The following SVOP variants were observed in gnomAD, a reference collection of about 807,000 sequenced individuals.
SVOP encodes synaptic vesicle 2-related protein.
In SVOP, 17 loss-of-function variants were observed where a neutral mutation model predicts 69.1. The observed-to-expected ratio is 0.25, with a 90% CI of 0.17 to 0.37. The LOEUF (loss-of-function observed/expected upper bound fraction) is 0.37. Among genes scored for constraint, SVOP ranks in the 10% least tolerant of loss-of-function variants. The probability of loss-of-function intolerance (pLI) is 1.00; values close to 1 mark genes in which losing one functional copy is unlikely to be tolerated. For synonymous variants in SVOP, 238 were observed against 238.6 expected (o/e 1.00, Z 0.02); for missense variants, 435 against 597.5 (o/e 0.73, Z 2.84).
chr12:108,977,346 C>T lies in SVOP; in HGVS notation c.381+52G>A, dbSNP rs1012399287. On this transcript the variant is annotated intron_variant, in intron 4 of 15. Transcript: ENST00000610966. ...GAGAAGGGAGATATCCCACAGGACA[C>T]CCCAGGGGAGCAGAACTGTATGCAA... 1.0e-5 allele frequency: 16 copies of T among 1,528,176 alleles called. No individual in the cohort carries two copies. The Admixed American group carries it at 1.4e-4, about 13-fold the overall frequency. The allele number at this position is 1,528,176 out of a possible 1,614,324, so 94.7% of individuals were successfully genotyped here.
intron 1 of SVOP, among the ~76,000 whole-genome samples, chr12:109,001,572 C>A (rs1405270002): frequency 1.4e-5 from 2 of 142,260 alleles, no homozygotes; most frequent in African/African-American, 5.2e-5. Flanking sequence ...TACAAGGCTA[C>A]AGTAACCAAA....
intron 1 of SVOP, among the ~76,000 whole-genome samples, chr12:109,006,328 C>T (rs2040307462): frequency 6.6e-6 from 1 of 152,182 alleles, no homozygotes; most frequent in Non-Finnish European, 1.5e-5. Context: ...GCTGGGATTA[C>T]AGGGTGACCC....
intron 10 of SVOP, 60 bp from the exon 11 acceptor site, chr12:108,934,331 C>T (rs2039843192): frequency 1.4e-6 from 2 of 1,463,720 alleles, no homozygotes; most frequent in African/African-American, 2.8e-5. Flanking sequence ...TCCCCTTTCC[C>T]TACCCCCTTG....
At chr12:109,005,960 G>T (rs886434440) in intron 1 of SVOP, among the ~76,000 whole-genome samples, 1 of 152,156 alleles carries the variant, frequency 6.6e-6, no homozygotes, top group Non-Finnish European at 1.5e-5. Flanking sequence ...GCAGCAAGAG[G>T]GTGGAAGATG....
At chr12:108,982,832 G>GA (rs2040146887) in intron 2 of SVOP, among the ~76,000 whole-genome samples, 1 of 38,426 alleles carries the variant, frequency 2.6e-5, no homozygotes, top group African/African-American at 1.4e-4. Flanking sequence ...CATCATCACT[G>GA]TCACCATCAT....
intron 6 of SVOP, among the ~76,000 whole-genome samples, chr12:108,959,050 G>C (rs1203044653): frequency 6.6e-6 from 1 of 152,134 alleles, no homozygotes; most frequent in Non-Finnish European, 1.5e-5. Flanking sequence ...CTAGAACAGG[G>C]ACCATGGTGC....
chr12:108,932,031 C>A (rs2039823159), intron 11 of SVOP, among the ~76,000 whole-genome samples: 1 of 151,762 alleles, frequency 6.6e-6, no homozygotes, highest in Non-Finnish European at 1.5e-5. Flanking sequence ...ATTTTTTTTA[C>A]ACACACAGAG....
At chr12:108,991,696 TCCA>T (rs1460996014) in intron 1 of SVOP, among the ~76,000 whole-genome samples, 1 of 151,284 alleles carries the variant, frequency 6.6e-6, no homozygotes, top group Non-Finnish European at 1.5e-5. Flanking sequence ...CTTCAGGTGA[TCCA>T]CCTGCCTTGG....
intron 1 of SVOP, among the ~76,000 whole-genome samples, chr12:109,002,220 C>G (rs2040275767): frequency 2.3e-5 from 1 of 43,492 alleles, no homozygotes; most frequent in Non-Finnish European, 5.3e-5. Context: ...CTCATCATCA[C>G]TGGCCATCAG....
intron 5 of SVOP, among the ~76,000 whole-genome samples, chr12:108,969,343 G>A (rs551324798): frequency 7.8e-5 from 9 of 114,878 alleles, no homozygotes; most frequent in Admixed American, 1.1e-4. Flanking sequence ...TTCCTACCTC[G>A]CTCTCTTTCT....
chr12:108,913,580 T>C (rs1053863353), intron 15 of SVOP, among the ~76,000 whole-genome samples: 1 of 152,198 alleles, frequency 6.6e-6, no homozygotes, highest in Non-Finnish European at 1.5e-5. Flanking sequence ...TTCTCTCCTC[T>C]GGAACAGTGC....
chr12:108,922,758 A>G lies in SVOP; in HGVS notation c.1088T>C (p.Leu363Pro). ...CTCCTCACTCAGGTACTCGCAGGCC[A>G]GGCTGCATTTTGCCTCTACAGCCTT... is the stretch of plus-strand genomic sequence containing the variant. ...RKKAVEAKCS[L>P]ACEYLSEEDY... The change falls in exon 12 of 16, where the codon CTG (leucine) becomes CCG (proline). Residue 363 changes from leucine (L) to proline (P), a missense_variant. Transcript: ENST00000610966. The G allele has an allele frequency of 6.2e-7, 1 of 1,611,448 alleles. No individual in the cohort carries two copies. The highest frequency in any genetic ancestry group is 1.3e-5 in the African/African-American group (1 of 75,000).
intron 7 of SVOP, among the ~76,000 whole-genome samples, chr12:108,944,144 G>A (rs926735091): frequency 4.0e-5 from 6 of 151,458 alleles, no homozygotes; most frequent in Non-Finnish European, 7.4e-5. Context: ...GCCTCCCAAA[G>A]TACGGGATTA....
intron 10 of SVOP, among the ~76,000 whole-genome samples, chr12:108,934,551 A>G (rs2039844784): frequency 6.6e-6 from 1 of 152,212 alleles, no homozygotes; most frequent in Non-Finnish European, 1.5e-5. Context: ...GGTTGGGTAA[A>G]TGAAGGCTGA....
intron 1 of SVOP, 108 bp downstream of exon 1, chr12:109,020,726 T>C: frequency 1.9e-6 from 1 of 529,086 alleles, no homozygotes; most frequent in Non-Finnish European, 3.5e-6. Flanking sequence ...ACAGTTCCCT[T>C]TAAATTCAAG....
intron 2 of SVOP, 56 bp downstream of exon 2, chr12:108,983,545 G>C (rs970631511): frequency 7.5e-6 from 3 of 398,574 alleles, no homozygotes; most frequent in African/African-American, 4.1e-5. Context: ...TTGCCTGCTG[G>C]GTAGGCAACC....
intron 6 of SVOP, among the ~76,000 whole-genome samples, chr12:108,960,049 C>T (rs1022603448): frequency 6.6e-6 from 1 of 152,180 alleles, no homozygotes; most frequent in African/African-American, 2.4e-5. Context: ...TAGAACAGCA[C>T]CTGCCACATA....
At chr12:108,971,057 C>A (rs778946588) in intron 5 of SVOP, among the ~76,000 whole-genome samples, 5 of 151,200 alleles carry the variant, frequency 3.3e-5, no homozygotes, top group Non-Finnish European at 5.9e-5. Context: ...CTCAATTAAC[C>A]CTAATTCATC....
Position 108,912,682 on chromosome 12 carries a change from C to T in SVOP, c.1500G>A (p.Leu500=), listed in dbSNP as rs2039691794. ...GCAAAAAGCAGGAGGCCAGGGCAGC[C>T]AGGAGGCAGCAGCCACTGTAAACTG... ...TLAVYSGCCL[L]AALASCFLPI... Residue 500 remains leucine (L), a synonymous_variant, in exon 16 of 16, where the codon CTG becomes CTA. Coordinates refer to ENST00000610966, the MANE Select transcript of SVOP (RefSeq NM_018711.5). The T allele has an allele frequency of 1.9e-6, 3 of 1,613,534 alleles. No homozygotes were observed. In the East Asian group the frequency reaches 6.7e-5, roughly 36 times the overall value.
Sources: allele counts gnomAD v4.1 joint callset (sites outside exome capture counted in the v4.1 genomes callset), GRCh38; gene constraint gnomAD v4.1.1; transcripts MANE v1.5; gene names NCBI Gene and HGNC (gene_info 2026-07-23, HGNC 2026-07-21).